The following PSMA8 variants were observed in gnomAD, a reference collection of about 807,000 sequenced individuals.
PSMA8 encodes the protein proteasome subunit alpha-type 8.
In PSMA8, 18 loss-of-function variants were observed where a neutral mutation model predicts 32.4. That is an observed-to-expected ratio of 0.56 (90% CI 0.38 to 0.82). PSMA8 has a LOEUF of 0.82. Ranked by LOEUF, PSMA8 falls within the 40% of genes least tolerant of loss-of-function variation. The probability of loss-of-function intolerance (pLI) is 0.00; values close to 1 mark genes in which losing one functional copy is unlikely to be tolerated. For synonymous variants in PSMA8, 104 were observed against 98.1 expected, an observed-to-expected ratio of 1.06 and a Z score of -0.36; for missense variants, 298 against 300.7, an observed-to-expected ratio of 0.99 and a Z score of 0.07.
chr18:26,148,686 T>G (rs931986470), intron 2 of PSMA8, among the ~76,000 whole-genome samples: 1 of 151,876 alleles, frequency 6.6e-6, no homozygotes, highest in Non-Finnish European at 1.5e-5. Context: ...GAAAGAAAAA[T>G]AAATAAAGGT....
intron 4 of PSMA8, among the ~76,000 whole-genome samples, chr18:26,173,343 A>G (rs1159158984): frequency 6.6e-6 from 1 of 152,150 alleles, no homozygotes; most frequent in African/African-American, 2.4e-5. Context: ...TGATATCTGC[A>G]TGGCTACCAT....
chr18:26,140,168 A>G (rs2054943858), intron 1 of PSMA8: 4 of 702,684 alleles, frequency 5.7e-6, no homozygotes, highest in Non-Finnish European at 1.0e-5. Context: ...TAGCCCATCC[A>G]GAGATTTGGG....
intron 4 of PSMA8, among the ~76,000 whole-genome samples, chr18:26,174,244 A>G (rs756252132): frequency 5.9e-5 from 9 of 152,242 alleles, no homozygotes; most frequent in Non-Finnish European, 1.2e-4. Context: ...ATAATATTTT[A>G]TAGACATTTA....
At chr18:26,162,643 A>C (rs964709359) in intron 4 of PSMA8, among the ~76,000 whole-genome samples, 1 of 152,152 alleles carries the variant, frequency 6.6e-6, no homozygotes, top group Admixed American at 6.6e-5. Flanking sequence ...AGGTGGGCAG[A>C]TCACAAGGTC....
Position 26,173,979 on chromosome 18 carries a change from T to C in PSMA8, c.478-4851T>C, listed in dbSNP as rs1484230107. On this transcript the variant is annotated intron_variant, in intron 4 of 6. Transcript: ENST00000415576. ...TAATAACATAATGCTGTCTACTTGATTCTCAGCTAGAAATATTCTCTCCCT... is the reference window on the plus strand; with the variant it reads ...TAATAACATAATGCTGTCTACTTGACTCTCAGCTAGAAATATTCTCTCCCT... 1.9e-4 allele frequency among the ~76,000 whole-genome samples: 29 copies of C among 152,150 alleles called. 1 individual carries two copies. Among genetic ancestry groups the C allele is most frequent in the Admixed American group, 1.7e-3 (26 of 15,254 alleles).
chr18:26,142,549 G>T (rs931790766), intron 1 of PSMA8, among the ~76,000 whole-genome samples: 2 of 152,096 alleles, frequency 1.3e-5, no homozygotes, highest in East Asian at 3.8e-4. Context: ...GTAGGATAAG[G>T]ACATTTGGTC....
chr18:26,182,981 A>T (rs1474927872), intron 6 of PSMA8, among the ~76,000 whole-genome samples: 1 of 151,832 alleles, frequency 6.6e-6, no homozygotes, highest in Non-Finnish European at 1.5e-5. Context: ...AATCCCAGCT[A>T]CTTAGGAGGC....
chr18:26,152,180 A>G (rs2055051776), intron 3 of PSMA8, among the ~76,000 whole-genome samples, 198 bp downstream of exon 3: 1 of 152,186 alleles, frequency 6.6e-6, no homozygotes, highest in Non-Finnish European at 1.5e-5. Context: ...CTGGATCAGT[A>G]TTAATTCTGG....
intron 6 of PSMA8, among the ~76,000 whole-genome samples, chr18:26,179,505 T>G (rs1233511972): frequency 6.6e-6 from 1 of 152,166 alleles, no homozygotes; most frequent in Non-Finnish European, 1.5e-5. Context: ...ACTTAAACTT[T>G]AATACGTAGC....
intron 6 of PSMA8, among the ~76,000 whole-genome samples, chr18:26,184,414 T>C (rs941969520): frequency 1.3e-5 from 2 of 150,512 alleles, no homozygotes; most frequent in Non-Finnish European, 3.0e-5. Flanking sequence ...AGTTTGTCAG[T>C]AGTAATACTA....
intron 6 of PSMA8, among the ~76,000 whole-genome samples, chr18:26,183,988 T>A (rs888911720): frequency 6.6e-6 from 1 of 150,962 alleles, no homozygotes; most frequent in Non-Finnish European, 1.5e-5. Context: ...CTTACATGAT[T>A]GTTAGCATTT....
chr18:26,153,818 G>A (rs768445634), intron 3 of PSMA8, among the ~76,000 whole-genome samples: 6 of 151,950 alleles, frequency 3.9e-5, no homozygotes, highest in Non-Finnish European at 5.9e-5. Context: ...TCGTTGGCTC[G>A]CATTATAGAG....
intron 1 of PSMA8, 87 bp from the exon 2 acceptor site, chr18:26,144,472 C>A: frequency 1.8e-6 from 2 of 1,105,578 alleles, no homozygotes; most frequent in South Asian, 1.5e-5. Flanking sequence ...AAGGAGAAGT[C>A]ATTTCCCCTA....
intron 3 of PSMA8, among the ~76,000 whole-genome samples, chr18:26,154,513 G>A (rs1365127318): frequency 6.6e-6 from 1 of 151,068 alleles, no homozygotes; most frequent in African/African-American, 2.4e-5. Flanking sequence ...CGGAAACATA[G>A]TCATAAGAAT....
chr18:26,169,859 C>T (rs2055207897), intron 4 of PSMA8, among the ~76,000 whole-genome samples: 1 of 106,138 alleles, frequency 9.4e-6, no homozygotes, highest in Non-Finnish European at 1.7e-5. Flanking sequence ...AAAAAAAGAA[C>T]TTACATACTT....
intron 2 of PSMA8, among the ~76,000 whole-genome samples, chr18:26,148,377 A>G (rs1203474217): frequency 1.3e-5 from 2 of 152,100 alleles, no homozygotes; most frequent in South Asian, 2.1e-4. Context: ...AGATCAATCA[A>G]TGTAATATAC....
At chr18:26,161,235 A>G (rs922295813) in intron 4 of PSMA8, among the ~76,000 whole-genome samples, 2 of 152,228 alleles carry the variant, frequency 1.3e-5, no homozygotes, top group African/African-American at 4.8e-5. Flanking sequence ...AGTGGGGACA[A>G]GAGACAAAGA....
In PSMA8 at chr18:26,192,355, G is replaced by A. The variant is rs2055411031; in HGVS notation, c.697G>A (p.Glu233Lys). Residue 233 changes from glutamate to lysine, a missense_variant, in exon 7 of 7, where the codon GAA becomes AAA. Coordinates refer to ENST00000415576, the MANE Select transcript of PSMA8 (RefSeq NM_001025096.2). ...AAAAGAAGTTGAATTATATGTAACT[G>A]AAATAGAAAAGGAAAAGGAAGAAGC... Reference protein sequence around the residue: ...SAKEVELYVTEIEKEKEEAEK... With the variant: ...SAKEVELYVTKIEKEKEEAEK... 1 of 1,517,812 alleles carries A rather than the reference G, an allele frequency of 6.6e-7. No homozygotes were observed. Among genetic ancestry groups the A allele is most frequent in the African/African-American group, 1.5e-5 (1 of 68,890 alleles). The allele number at this position is 1,517,812 out of a possible 1,614,324, so 94.0% of individuals were successfully genotyped here.
chr18:26,180,582 C>T, intron 6 of PSMA8, among the ~76,000 whole-genome samples: 1 of 152,040 alleles, frequency 6.6e-6, no homozygotes, highest in East Asian at 1.9e-4. Context: ...GTTTTTGTCA[C>T]CCCTGCTGCT....
Sources: gnomAD v4.1 joint callset for allele counts (sites outside exome capture counted in the v4.1 genomes callset) on GRCh38, gnomAD v4.1.1 for gene constraint, MANE v1.5 for transcripts, NCBI Gene and HGNC (gene_info 2026-07-23, HGNC 2026-07-21) for gene names.